RDH12: variants seen among roughly 807,000 people sequenced by gnomAD.
RDH12 encodes retinol dehydrogenase 12.
Under a neutral mutation model 34.0 loss-of-function variants are expected in RDH12, and 21 were observed. That is an observed-to-expected ratio of 0.62 (90% CI 0.44 to 0.89). The LOEUF is 0.89. Ranked by LOEUF, RDH12 falls within the 40% of genes least tolerant of loss-of-function variation. The probability of loss-of-function intolerance (pLI) is 0.00; values close to 1 mark genes in which losing one functional copy is unlikely to be tolerated. For missense variants in RDH12, 394 were observed against 398.6 expected, an observed-to-expected ratio of 0.99 and a Z score of 0.10; for synonymous variants, 198 against 169.9, an observed-to-expected ratio of 1.17 and a Z score of -1.29.
chr14:67,721,319 A>T (rs1262335957), intron 2 of RDH12, among the ~76,000 whole-genome samples: 3 of 152,082 alleles, frequency 2.0e-5, no homozygotes, highest in Non-Finnish European at 4.4e-5. Flanking sequence ...CAGAGGCACG[A>T]TCCTAGCTCA....
chr14:67,730,258 G>A (rs573373337), intron 8 of RDH12, among the ~76,000 whole-genome samples: 5 of 151,850 alleles, frequency 3.3e-5, no homozygotes, highest in African/African-American at 7.3e-5. Flanking sequence ...TGGGATTTAC[G>A]CCCTGGCAAT....
chr14:67,716,499 A>G lies in RDH12; in HGVS notation c.-274-4349A>G, dbSNP rs144267071. On this transcript the variant is annotated intron_variant, in intron 1 of 8. Transcript: ENST00000551171. ...CGCTTCTTGATTTTCCATGACAGAA[A>G]GTGTGTGTACACACGTGTTTGTGTG... 8.2e-3 allele frequency among the ~76,000 whole-genome samples: 1,247 copies of G among 152,372 alleles called. 12 individuals are homozygous for G. Among genetic ancestry groups the G allele is most frequent in the African/African-American group, 0.029 (1,199 of 41,574 alleles).
rs1225487694 is a variant in RDH12, at chr14:67,724,537, A to G, written c.133A>G (p.Thr45Ala). The G allele has an allele frequency of 5.6e-6, 9 of 1,613,814 alleles. No individual in the cohort carries two copies. The highest frequency in any genetic ancestry group is 6.8e-6 in the Non-Finnish European group (8 of 1,179,932). ...GCTTCCTGGCAAGGTAGTGGTGATCACTGGCGCCAACACGGGCATTGGCAA... is the reference window on the plus strand; with the variant it reads ...GCTTCCTGGCAAGGTAGTGGTGATCGCTGGCGCCAACACGGGCATTGGCAA... Reference protein sequence around the residue: ...VQLPGKVVVITGANTGIGKET... With the variant: ...VQLPGKVVVIAGANTGIGKET... The change falls in exon 4 of 9, where the codon ACT becomes GCT. Residue 45 changes from threonine to alanine, a missense_variant. By Grantham distance (58) the Thr-to-Ala change is moderately conservative. Transcript: ENST00000551171.
chr14:67,707,876 C>T (rs771295929), intron 1 of RDH12, among the ~76,000 whole-genome samples: 4 of 152,136 alleles, frequency 2.6e-5, no homozygotes, highest in Non-Finnish European at 5.9e-5. Context: ...GAACCCTGTA[C>T]AGGGGCTGTG....
intron 8 of RDH12, chr14:67,729,772 C>G (rs1383002221): frequency 4.0e-6 from 2 of 503,204 alleles, no homozygotes; most frequent in Admixed American, 2.1e-5. Context: ...AACGTCCTCT[C>G]TCTTCGGTGT....
intron 1 of RDH12, among the ~76,000 whole-genome samples, chr14:67,709,654 T>C (rs1041676823): frequency 6.6e-6 from 1 of 152,218 alleles, no homozygotes; most frequent in Non-Finnish European, 1.5e-5. Context: ...AGCTTTAATT[T>C]CTGGCCCTGT....
At chr14:67,731,133 T>TA (rs1467516922) in intron 8 of RDH12, among the ~76,000 whole-genome samples, 1 of 152,102 alleles carries the variant, frequency 6.6e-6, no homozygotes. Context: ...TTTTACATTT[T>TA]AAATGTAGCT....
chr14:67,711,103 A>T (rs7159889), intron 1 of RDH12, among the ~76,000 whole-genome samples: 18,863 of 152,286 alleles, frequency 0.12, 1,208 homozygotes, highest in Admixed American at 0.15. Flanking sequence ...TGAAACAAAG[A>T]CGATAACAAA....
chr14:67,723,552 T>C (rs1419070067), intron 3 of RDH12, among the ~76,000 whole-genome samples: 1 of 152,128 alleles, frequency 6.6e-6, no homozygotes, highest in Admixed American at 6.5e-5. Flanking sequence ...TTTCTTATGA[T>C]AAAGGAGGTT....
At chr14:67,726,183 G>C (rs774183130) in intron 6 of RDH12, 28 bp downstream of exon 6, 1 of 1,277,062 alleles carries the variant, frequency 7.8e-7, no homozygotes, top group East Asian at 2.3e-5. Flanking sequence ...ACTAAAAAAT[G>C]AGGTACACCC....
Position 67,729,995 on chromosome 14 carries a change from T to C in RDH12, c.848+615T>C, listed in dbSNP as rs74061509. On this transcript the variant is annotated intron_variant, in intron 8 of 8. Transcript: ENST00000551171. ...TGTTCAAGGCTTTTCATCAGTGCAG[T>C]ATTTATTCCGTGAAGCACTGGAAAT... is the stretch of plus-strand genomic sequence containing the variant. Among the ~76,000 whole-genome samples, 560 of 152,326 alleles carry C rather than the reference T, an allele frequency of 3.7e-3. 3 individuals are homozygous for C. The highest frequency in any genetic ancestry group is 0.013 in the African/African-American group (524 of 41,564).
chr14:67,705,371 T>A (rs2037940197), intron 1 of RDH12, among the ~76,000 whole-genome samples: 1 of 152,234 alleles, frequency 6.6e-6, no homozygotes, highest in African/African-American at 2.4e-5. Flanking sequence ...GGTTACATAT[T>A]AATGTGTACG....
chr14:67,716,196 CAA>C (rs11446343), intron 1 of RDH12, among the ~76,000 whole-genome samples: 6 of 108,682 alleles, frequency 5.5e-5, no homozygotes, highest in Admixed American at 9.3e-5. Context: ...GACTCCGTCT[CAA>C]AAAAAAAAAA....
At chr14:67,729,093 A>G in intron 7 of RDH12, 98 bp from the exon 8 acceptor site, 7 of 1,181,862 alleles carry the variant, frequency 5.9e-6, no homozygotes, top group Non-Finnish European at 8.8e-6. Flanking sequence ...ATGTTTCCTG[A>G]GTCCCTCCTT....
intron 8 of RDH12, among the ~76,000 whole-genome samples, chr14:67,730,731 G>A (rs1026933804): frequency 6.6e-6 from 1 of 152,076 alleles, no homozygotes; most frequent in South Asian, 2.1e-4. Context: ...AGCCTCCTGA[G>A]TAGCTGGGAT....
At chr14:67,727,245 C>A in intron 7 of RDH12, 55 bp downstream of exon 7, 2 of 1,410,438 alleles carry the variant, frequency 1.4e-6, no homozygotes, top group East Asian at 2.4e-5. Context: ...AATTAGAGGT[C>A]CACAGCAACT....
intron 3 of RDH12, 128 bp from the exon 4 acceptor site, chr14:67,724,345 G>A: frequency 1.3e-6 from 1 of 765,258 alleles, no homozygotes; most frequent in East Asian, 2.6e-5. Context: ...GCTTTTATGA[G>A]TCTCCTGACT....
intron 7 of RDH12, among the ~76,000 whole-genome samples, chr14:67,728,706 G>T (rs1459986330): frequency 2.0e-5 from 3 of 151,026 alleles, no homozygotes; most frequent in African/African-American, 7.3e-5. Flanking sequence ...TATCTTGTGG[G>T]GGGGGGGTGT....
intron 8 of RDH12, among the ~76,000 whole-genome samples, chr14:67,731,014 T>C (rs866995468): frequency 2.2e-4 from 33 of 152,318 alleles, no homozygotes; most frequent in Admixed American, 9.8e-4. Context: ...TTTATATTGA[T>C]TGCATGCTAA....
Sources: allele counts gnomAD v4.1 joint callset (sites outside exome capture counted in the v4.1 genomes callset), GRCh38; gene constraint gnomAD v4.1.1; transcripts MANE v1.5; gene names NCBI Gene and HGNC (gene_info 2026-07-23, HGNC 2026-07-21).